ANKS1A: variants seen among roughly 807,000 people sequenced by gnomAD.
ANKS1A encodes the protein ankyrin repeat and SAM domain-containing protein 1A.
A neutral mutation model predicts 120.3 loss-of-function variants in ANKS1A; 55 were observed. The observed-to-expected ratio is 0.46, with a 90% CI of 0.37 to 0.57. The LOEUF (loss-of-function observed/expected upper bound fraction) is 0.57. Ranked by LOEUF, ANKS1A falls within the 20% of genes least tolerant of loss-of-function variation. The pLI, the probability that ANKS1A is intolerant of heterozygous loss-of-function variation, is 0.00. For synonymous variants in ANKS1A, 590 were observed against 604.7 expected, an observed-to-expected ratio of 0.98 and a Z score of 0.36; for missense variants, 1,123 against 1,480.3, an observed-to-expected ratio of 0.76 and a Z score of 3.96.
At chr6:35,025,377 C>T (rs1042345958) in intron 11 of ANKS1A, among the ~76,000 whole-genome samples, 1 of 151,834 alleles carries the variant, frequency 6.6e-6, no homozygotes, top group African/African-American at 2.4e-5. Context: ...TGTGAATGAG[C>T]GGGAGTTAGT....
At position 35,083,414 on chromosome 6, in the gene ANKS1A, T is replaced by C. The variant is rs370176783; in HGVS notation, c.2908-3T>C. 2.5e-6 allele frequency: 4 copies of C among 1,613,894 alleles called. No homozygotes were observed. In the African/African-American group the frequency reaches 4.0e-5, roughly 16 times the overall value. ...TGACAGGGCCACCCCTTGTTTCCTG[T>C]AGAAATCTACGGAGCACATGAAGAA... On this transcript the variant is annotated splice_region_variant and splice_polypyrimidine_tract_variant and intron_variant, in intron 19 of 23. Transcript: ENST00000360359.
intron 10 of ANKS1A, among the ~76,000 whole-genome samples, chr6:35,006,314 CAAA>C (rs568475979): frequency 2.6e-5 from 3 of 115,200 alleles, no homozygotes; most frequent in Non-Finnish European, 3.7e-5. Flanking sequence ...GGCTCTGTCT[CAAA>C]AAAAAAAAAA....
intron 11 of ANKS1A, among the ~76,000 whole-genome samples, chr6:35,021,089 A>G (rs1774308994): frequency 1.3e-5 from 2 of 152,230 alleles, no homozygotes; most frequent in Admixed American, 1.3e-4. Flanking sequence ...AGAAACTCCA[A>G]AAGTGTTTCC....
At chr6:35,095,379 C>T (rs1331029247), downstream of ANKS1A, among the ~76,000 whole-genome samples, 1 of 151,660 alleles carries the variant, frequency 6.6e-6, no homozygotes, top group Admixed American at 6.6e-5. Flanking sequence ...TCGAGACCAG[C>T]CTGGCCAACA....
intron 11 of ANKS1A, among the ~76,000 whole-genome samples, chr6:35,040,458 T>C (rs1249506935): frequency 6.6e-6 from 1 of 152,242 alleles, no homozygotes; most frequent in African/African-American, 2.4e-5. Context: ...TTCTCACTTA[T>C]TCCCACTTCT....
At chr6:34,934,028 G>A (rs1179346862) in intron 1 of ANKS1A, among the ~76,000 whole-genome samples, 2 of 152,118 alleles carry the variant, frequency 1.3e-5, no homozygotes, top group Non-Finnish European at 2.9e-5. Flanking sequence ...TGTGTACGTT[G>A]GAGAATTAAA....
At chr6:35,079,030 C>T (rs780787784) in intron 14 of ANKS1A, among the ~76,000 whole-genome samples, 88 of 152,180 alleles carry the variant, frequency 5.8e-4, no homozygotes, top group African/African-American at 1.9e-3. Context: ...GCCCTGGCAC[C>T]GGGCCCCTCC....
chr6:34,957,314 G>C (rs773956533), intron 1 of ANKS1A, among the ~76,000 whole-genome samples: 5 of 152,176 alleles, frequency 3.3e-5, no homozygotes, highest in African/African-American at 9.7e-5. Flanking sequence ...AAGCTTCTCT[G>C]ACAGTGGGGA....
Position 34,970,061 on chromosome 6 carries a change from C to T in ANKS1A, c.330C>T (p.Asp110=), listed in dbSNP as rs750599024. The change falls in exon 3 of 24, where the codon GAC becomes GAT. Residue 110 remains aspartate (D), a synonymous_variant. Transcript: ENST00000360359. The part of the protein sequence containing the change: ...LRNDALTNVA[D]SKGCYPLHLA... ...ACGATGCGCTGACCAACGTGGCTGACTCAAAAGGCTGCTACCCTCTGCATT... is the reference window on the plus strand; with the variant it reads ...ACGATGCGCTGACCAACGTGGCTGATTCAAAAGGCTGCTACCCTCTGCATT... The T allele has an allele frequency of 1.9e-6, 3 of 1,614,162 alleles. No homozygotes were observed. In the South Asian group the frequency reaches 3.3e-5, roughly 18 times the overall value.
At chr6:35,056,714 A>G (rs1328983880) in intron 12 of ANKS1A, among the ~76,000 whole-genome samples, 1 of 152,106 alleles carries the variant, frequency 6.6e-6, no homozygotes, top group Non-Finnish European at 1.5e-5. Context: ...ACCATCCTCT[A>G]TAGTCCAGCT....
chr6:35,021,160 A>T (rs1205213193), intron 11 of ANKS1A, among the ~76,000 whole-genome samples: 1 of 152,180 alleles, frequency 6.6e-6, no homozygotes, highest in African/African-American at 2.4e-5. Context: ...GGCATTAGTT[A>T]ATGGCTGCTC....
In ANKS1A at chr6:34,989,289, G is replaced by A; in HGVS notation, c.1275G>A (p.Lys425=). The A allele has an allele frequency of 6.2e-7, 1 of 1,614,032 alleles. No individual in the cohort carries two copies. The highest frequency in any genetic ancestry group is 8.5e-7 in the Non-Finnish European group (1 of 1,179,922). The change falls in exon 9 of 24, where the codon AAG becomes AAA. Residue 425 remains lysine, a synonymous_variant. Transcript: ENST00000360359. ...AAGAGGAAGAAGACCACATAGATAA[G>A]AAGTATTTTCCCTTGACAGCTTCTG... The part of the protein sequence containing the change: ...PDEEEEDHID[K]KYFPLTASEV...
rs2004 is a variant in ANKS1A at position 35,088,770 on chromosome 6, C to T, written c.*161C>T. On this transcript the variant is annotated 3_prime_UTR_variant, in exon 24 of 24. Transcript: ENST00000360359. ...ACTTGGCCTGGGCCTGCCACCACCA[C>T]GTCCTGCAGAACGAGCCCTGCCTTG... The T allele has an allele frequency of 0.021, 33,095 of 1,554,744 alleles. 461 individuals are homozygous for T. The highest frequency in any genetic ancestry group is 0.055 in the African/African-American group (4,074 of 73,482).
intron 1 of ANKS1A, among the ~76,000 whole-genome samples, chr6:34,923,118 C>T (rs1041065125): frequency 6.6e-6 from 1 of 152,156 alleles, no homozygotes; most frequent in Non-Finnish European, 1.5e-5. Context: ...GGTTGCCCAA[C>T]CGTACTGAGG....
rs1317773940 is a variant in ANKS1A, at chr6:35,017,628, C to A, written c.1579C>A (p.His527Asn). 1 of 1,613,736 alleles carries A rather than the reference C, an allele frequency of 6.2e-7. No individual in the cohort carries two copies. The highest frequency in any genetic ancestry group is 8.5e-7 in the Non-Finnish European group (1 of 1,179,920). Residue 527 changes from histidine (H) to asparagine (N), a missense_variant, in exon 11 of 24, where the codon CAT (histidine) becomes AAT (asparagine). His to Asn is a moderately conservative substitution (Grantham distance 68). Coordinates refer to ENST00000360359, the MANE Select transcript of ANKS1A (RefSeq NM_015245.3). ...FQLLCTAGQS[H>N]PDGSPQQGAC... The stretch of plus-strand genomic sequence containing the variant: ...GCTGCTCTGTACCGCTGGCCAGAGC[C>A]ATCCAGACGGGTCCCCCCAGCAGGG...
chr6:35,014,541 G>A (rs1481236631), intron 10 of ANKS1A, among the ~76,000 whole-genome samples: 16 of 152,164 alleles, frequency 1.1e-4, no homozygotes, highest in Non-Finnish European at 2.4e-4. Flanking sequence ...TGAATGGGTG[G>A]CTGTTTCACA....
rs144539375 is a variant in ANKS1A, at chr6:35,084,607, G to A, written c.3132+349G>A. 6.6e-6 allele frequency among the ~76,000 whole-genome samples: 1 copy of A among 152,002 alleles called. No homozygotes were observed. The highest frequency in any genetic ancestry group is 1.9e-4 in the East Asian group (1 of 5,138). On this transcript the variant is annotated intron_variant, in intron 21 of 23. Transcript: ENST00000360359. This position sits in a 1 kb window ranked among gnomAD's most constrained non-coding sequence, Gnocchi z 4.8. ...CCTCCCACGTAACTGGATAATAGGC[G>A]TGAGCCACCGCCCCTGACTTTCCAG...
chr6:35,030,895 G>A (rs993080465), intron 11 of ANKS1A, among the ~76,000 whole-genome samples: 3 of 152,094 alleles, frequency 2.0e-5, no homozygotes, highest in Non-Finnish European at 2.9e-5. Flanking sequence ...CCGGCCCTTC[G>A]GTGAACATCC....
chr6:34,983,368 C>T lies in ANKS1A; in HGVS notation c.955C>T (p.Pro319Ser). ...AAGTACAAAAGAAGTAGATAAAACC[C>T]CCCCACCCCAGCCACCTCTCATCTC... ...KRSTKEVDKT[P>S]PPQPPLISSM... Residue 319 changes from proline (P) to serine (S), a missense_variant, in exon 7 of 24, where the codon CCC becomes TCC. Transcript: ENST00000360359. The T allele has an allele frequency of 6.2e-7, 1 of 1,613,852 alleles. No individual in the cohort carries two copies. Among genetic ancestry groups the T allele is most frequent in the African/African-American group, 1.3e-5 (1 of 74,916 alleles).
Sources: gnomAD v4.1 joint callset for allele counts (sites outside exome capture counted in the v4.1 genomes callset) on GRCh38, gnomAD v4.1.1 for gene constraint, Gnocchi (gnomAD v3.1) non-coding constraint, MANE v1.5 for transcripts, NCBI Gene and HGNC (gene_info 2026-07-23, HGNC 2026-07-21) for gene names.